FAM107A: variants seen among roughly 807,000 people sequenced by gnomAD.
FAM107A encodes actin-associated protein FAM107A.
FAM107A carries 19 observed loss-of-function variants against 13.7 expected under a neutral mutation model. The observed-to-expected ratio is 1.38, with a 90% CI of 0.97 to 2.03. The LOEUF is 2.03. FAM107A is among the 30% of genes most tolerant of loss of function. The pLI is 0.00. For synonymous variants in FAM107A, 82 were observed against 74.5 expected, an observed-to-expected ratio of 1.10 and a Z score of -0.52; for missense variants, 203 against 184.4, an observed-to-expected ratio of 1.10 and a Z score of -0.58.
rs1466573570 is a variant in FAM107A, at chr3:58,604,936, G to A, written c.-69-15667C>T. Reference sequence around the variant, plus strand: ...ATTTTGTTATCTTTTTCTGATGAGTGTTAGGTTTTGTTTTAGCAGGCAGTA... The same window carrying A: ...ATTTTGTTATCTTTTTCTGATGAGTATTAGGTTTTGTTTTAGCAGGCAGTA... On this transcript the variant is annotated intron_variant, in intron 1 of 3. Coordinates refer to the FAM107A transcript ENST00000465970. The surrounding 1 kb of genome is among the most constrained non-coding windows in gnomAD (Gnocchi z 4.1). Among the ~76,000 whole-genome samples the A allele has an allele frequency of 6.6e-6, 1 of 151,804 alleles. No individual in the cohort carries two copies. Among genetic ancestry groups the A allele is most frequent in the African/African-American group, 2.4e-5 (1 of 41,084 alleles).
At chr3:58,587,006 A>C (rs1028532803) in exon 1 of FAM107A, 3 of 1,419,260 alleles carry the variant, frequency 2.1e-6, no homozygotes, top group African/African-American at 1.5e-5. Flanking sequence ...CGTAGTCCGG[A>C]GCCGAAGCGC....
At chr3:58,589,435 G>C (rs1046170053), upstream of FAM107A, among the ~76,000 whole-genome samples, 1 of 152,166 alleles carries the variant, frequency 6.6e-6, no homozygotes, top group African/African-American at 2.4e-5. Flanking sequence ...GAATGGATGT[G>C]TGTGTGTGTG....
At chr3:58,579,530 G>A (rs1189881729), upstream of FAM107A, among the ~76,000 whole-genome samples, 1 of 152,058 alleles carries the variant, frequency 6.6e-6, no homozygotes, top group South Asian at 2.1e-4. Flanking sequence ...GGTAGAAGAG[G>A]ACAGCTAGAT....
At chr3:58,590,730 G>T (rs531123962), upstream of FAM107A, among the ~76,000 whole-genome samples, 27 of 152,276 alleles carry the variant, frequency 1.8e-4, no homozygotes, top group Non-Finnish European at 4.0e-4. Flanking sequence ...CAGCATGGGG[G>T]AATCTGCCCC....
At chr3:58,574,496 A>G (rs934919658) in intron 1 of FAM107A, among the ~76,000 whole-genome samples, 7 of 152,172 alleles carry the variant, frequency 4.6e-5, no homozygotes, top group Non-Finnish European at 7.3e-5. Flanking sequence ...ATTGTGAGCA[A>G]ATCTGATTAA....
At position 58,610,694 on chromosome 3, in the gene FAM107A, A is replaced by G. The variant is rs146817611; in HGVS notation, c.-70+16722T>C. ...TAAAAGCTTTATCACTGATATTCCC[A>G]GAGGAATTCTCAAATTTCCAAGGGC... On this transcript the variant is annotated intron_variant, in intron 1 of 3. Coordinates refer to the FAM107A transcript ENST00000465970. Among the ~76,000 whole-genome samples the G allele has an allele frequency of 5.2e-4, 79 of 152,372 alleles. No individual in the cohort carries two copies. In the East Asian group the frequency reaches 0.011, roughly 22 times the overall value.
rs1031674762 is a variant in FAM107A, at chr3:58,569,271, G to A, written c.170+420C>T. 6.6e-6 allele frequency among the ~76,000 whole-genome samples: 1 copy of A among 152,134 alleles called. No individual in the cohort carries two copies. The highest frequency in any genetic ancestry group is 2.4e-5 in the African/African-American group (1 of 41,444). The stretch of plus-strand genomic sequence containing the variant: ...TGAAGTCATTTTAGACCCCTCTCGG[G>A]TTCCTCCTCTGGGGTCTCAGGCCTA... On this transcript the variant is annotated intron_variant, in intron 2 of 3. Transcript: ENST00000360997. The surrounding 1 kb of genome is among the most constrained non-coding windows in gnomAD (Gnocchi z 5.7).
chr3:58,586,962 C>T (rs1182561299), exon 1 of FAM107A: 2 of 1,513,542 alleles, frequency 1.3e-6, no homozygotes, highest in East Asian at 2.6e-5. Flanking sequence ...ACTGCAGAGC[C>T]AGCACTGCTG....
At chr3:58,619,783 T>C (rs2065936119) in intron 1 of FAM107A, among the ~76,000 whole-genome samples, 2 of 152,240 alleles carry the variant, frequency 1.3e-5, no homozygotes, top group Non-Finnish European at 2.9e-5. Flanking sequence ...ATTTGTTGAA[T>C]AAATGATGAA....
At chr3:58,606,284 C>A (rs186715176) in intron 1 of FAM107A, among the ~76,000 whole-genome samples, 1 of 152,164 alleles carries the variant, frequency 6.6e-6, no homozygotes, top group African/African-American at 2.4e-5. Context: ...TTAGTAGAGG[C>A]GGGGTTTCAC....
intron 1 of FAM107A, among the ~76,000 whole-genome samples, chr3:58,626,025 C>T (rs1183215514): frequency 1.3e-5 from 2 of 152,194 alleles, no homozygotes; most frequent in African/African-American, 4.8e-5. Context: ...ACCAGCCCCC[C>T]TTTATAAACA....
At chr3:58,585,409 C>A (rs902667379) in intron 1 of FAM107A, among the ~76,000 whole-genome samples, 3 of 152,252 alleles carry the variant, frequency 2.0e-5, no homozygotes, top group Admixed American at 6.5e-5. Context: ...CGCCGCCAGT[C>A]CTGAAGTTTG....
At chr3:58,602,599 C>G (rs1575452080) in intron 1 of FAM107A, among the ~76,000 whole-genome samples, 1 of 152,246 alleles carries the variant, frequency 6.6e-6, no homozygotes, top group East Asian at 1.9e-4. Context: ...TATTTCTATA[C>G]AATGTAACAG....
intron 1 of FAM107A, among the ~76,000 whole-genome samples, chr3:58,583,620 C>CAA (rs35261702): frequency 4.7e-5 from 7 of 147,384 alleles, no homozygotes; most frequent in Admixed American, 2.7e-4. Flanking sequence ...AAAACTCTGT[C>CAA]AAAAAAAAAA....
intron 1 of FAM107A, among the ~76,000 whole-genome samples, chr3:58,595,030 CA>C (rs1234326783): frequency 6.6e-6 from 1 of 152,076 alleles, no homozygotes; most frequent in Non-Finnish European, 1.5e-5. Context: ...AGGCCATCAC[CA>C]ATCATTCTAT....
upstream of FAM107A, among the ~76,000 whole-genome samples, chr3:58,580,856 T>G (rs2108056984): frequency 6.6e-6 from 1 of 152,236 alleles, no homozygotes; most frequent in South Asian, 2.1e-4. Flanking sequence ...AAAAAGGCCC[T>G]AGCATATATT....
intron 1 of FAM107A, among the ~76,000 whole-genome samples, chr3:58,602,323 G>A (rs968179110): frequency 2.0e-5 from 3 of 152,184 alleles, no homozygotes; most frequent in African/African-American, 7.2e-5. Flanking sequence ...ACTCAGTGTT[G>A]GAGAGGGTGT....
intron 1 of FAM107A, among the ~76,000 whole-genome samples, chr3:58,583,634 AT>A (rs1310651131): frequency 2.7e-5 from 4 of 146,560 alleles, no homozygotes; most frequent in South Asian, 4.4e-4. Context: ...AAAAAAAAAA[AT>A]TATTTTGAAA....
upstream of FAM107A, chr3:58,589,195 G>A (rs1245560483): frequency 1.3e-6 from 2 of 1,520,636 alleles, no homozygotes; most frequent in Non-Finnish European, 1.8e-6. Context: ...ATTCTAGCGG[G>A]TCTGACTTAC....
Sources: gnomAD v4.1 joint callset for allele counts (sites outside exome capture counted in the v4.1 genomes callset) on GRCh38, gnomAD v4.1.1 for gene constraint, Gnocchi (gnomAD v3.1) non-coding constraint, MANE v1.5 for transcripts, NCBI Gene and HGNC (gene_info 2026-07-23, HGNC 2026-07-21) for gene names.